The following RPS6KA2 variants were observed in gnomAD, a reference collection of about 807,000 sequenced individuals.
RPS6KA2 encodes ribosomal protein S6 kinase A2.
Under a neutral mutation model 91.8 loss-of-function variants are expected in RPS6KA2, and 42 were observed. The observed-to-expected ratio is 0.46, with a 90% confidence interval of 0.36 to 0.59. The LOEUF is 0.59. RPS6KA2 is among the 20% of genes least tolerant of loss of function. The probability of loss-of-function intolerance (pLI) is 0.00; values close to 1 mark genes in which losing one functional copy is unlikely to be tolerated. For synonymous variants in RPS6KA2, 414 were observed against 393.6 expected (o/e 1.05, Z -0.61); for missense variants, 798 against 978.5 (o/e 0.82, Z 2.46).
At chr6:166,594,014 G>A (rs1433035452) in intron 1 of RPS6KA2, among the ~76,000 whole-genome samples, 2 of 152,060 alleles carry the variant, frequency 1.3e-5, no homozygotes, top group African/African-American at 4.8e-5. Context: ...AAAAGTGCAC[G>A]GACAATTCTG....
intron 2 of RPS6KA2, among the ~76,000 whole-genome samples, chr6:166,694,462 G>A (rs920479918): frequency 2.6e-5 from 4 of 152,184 alleles, no homozygotes; most frequent in Middle Eastern, 3.2e-3. Context: ...ACTAAATTGT[G>A]GAGAGATTTC....
At chr6:166,509,287 A>C (rs559190134) in intron 4 of RPS6KA2, 1 of 169,824 alleles carries the variant, frequency 5.9e-6, no homozygotes, top group South Asian at 2.0e-4. Flanking sequence ...TAGGACACCC[A>C]GTTCTCAATT....
chr6:166,835,327 G>A (rs1200234125), intron 2 of RPS6KA2, among the ~76,000 whole-genome samples: 1 of 152,176 alleles, frequency 6.6e-6, no homozygotes, highest in Non-Finnish European at 1.5e-5. Context: ...CAAATTCTGT[G>A]GAGATTTTGA....
chr6:166,550,835 T>C (rs1250196850), intron 1 of RPS6KA2, among the ~76,000 whole-genome samples: 3 of 151,742 alleles, frequency 2.0e-5, no homozygotes, highest in Non-Finnish European at 4.4e-5. Flanking sequence ...ACCCCGTCTC[T>C]ACTAAAATAC....
Position 166,462,577 on chromosome 6 carries a change from G to A in RPS6KA2, c.973-3026C>T, listed in dbSNP as rs551335630. 1.1e-4 allele frequency among the ~76,000 whole-genome samples: 16 copies of A among 152,316 alleles called. No individual in the cohort carries two copies. The South Asian group carries it at 1.2e-3, about 12-fold the overall frequency. On this transcript the variant is annotated intron_variant, in intron 11 of 20. Transcript: ENST00000265678. ...CCCTCCAGCCCAGGACACTGCGCCT[G>A]GGGGCTGGGCTCAGACTTCCCCTGT...
intron 14 of RPS6KA2, among the ~76,000 whole-genome samples, chr6:166,446,672 A>G (rs921859198): frequency 2.0e-5 from 3 of 152,340 alleles, no homozygotes; most frequent in African/African-American, 4.8e-5. Flanking sequence ...TATTAGGAGA[A>G]AACACACCAT....
chr6:166,813,234 G>A (rs1427851593), intron 2 of RPS6KA2, among the ~76,000 whole-genome samples: 2 of 152,138 alleles, frequency 1.3e-5, no homozygotes, highest in Non-Finnish European at 2.9e-5. Flanking sequence ...CAGGTGTGGA[G>A]CAGAAGGTCC....
intron 10 of RPS6KA2, among the ~76,000 whole-genome samples, chr6:166,475,423 G>C (rs934700933): frequency 6.6e-6 from 1 of 152,186 alleles, no homozygotes; most frequent in African/African-American, 2.4e-5. Context: ...CGTGCCCCCA[G>C]GTGTGCCATT....
In RPS6KA2 at chr6:166,500,899, T is replaced by C. The variant is rs974278371; in HGVS notation, c.592A>G (p.Ile198Val). 6.2e-7 allele frequency: 1 copy of C among 1,614,032 alleles called. No individual in the cohort carries two copies. The highest frequency in any genetic ancestry group is 8.5e-7 in the Non-Finnish European group (1 of 1,179,944). The change falls in exon 7 of 21, where the codon ATT becomes GTT. Residue 198 changes from isoleucine (I) to valine (V), a missense_variant. Coordinates refer to ENST00000265678, the MANE Select transcript of RPS6KA2 (RefSeq NM_021135.6). This position sits in a 1 kb window ranked among gnomAD's most constrained non-coding sequence, Gnocchi z 4.3. ...GTCTTTTACAAACCTGTGATCTTAA[T>C]GTGCCCCTCTTCATCCAGGAGGATG... ...ENILLDEEGH[I>V]KITDFGLSKE... is the part of the protein sequence containing the mutation.
At chr6:166,519,160 C>T (rs1475926611) in intron 3 of RPS6KA2, among the ~76,000 whole-genome samples, 1 of 152,212 alleles carries the variant, frequency 6.6e-6, no homozygotes, top group East Asian at 1.9e-4. Context: ...TTTCTAAGAT[C>T]TAGATGTATA....
rs1483447335 is a variant in RPS6KA2 at position 166,665,938 on chromosome 6, G to A, written c.124-127154C>T. ...GAAATCCAGTTTCTGAGAGGCTCAG[G>A]AGCCTTCTTTGACATCATGATGATG... On this transcript the variant is annotated intron_variant, in intron 2 of 21. Coordinates refer to the RPS6KA2 transcript ENST00000503859. The surrounding 1 kb of genome is among the most constrained non-coding windows in gnomAD (Gnocchi z 4.5). Among the ~76,000 whole-genome samples the A allele has an allele frequency of 6.6e-6, 1 of 152,194 alleles. No homozygotes were observed. Among genetic ancestry groups the A allele is most frequent in the Non-Finnish European group, 1.5e-5 (1 of 68,042 alleles).
intron 2 of RPS6KA2, among the ~76,000 whole-genome samples, chr6:166,728,928 GTTTAC>G (rs554699366): frequency 2.5e-4 from 38 of 152,240 alleles, no homozygotes; most frequent in African/African-American, 8.2e-4. Context: ...CCCTCCTTTG[GTTTAC>G]TTTACTTCAG....
intron 2 of RPS6KA2, among the ~76,000 whole-genome samples, chr6:166,710,897 C>G (rs1358482047): frequency 1.3e-5 from 2 of 152,168 alleles, no homozygotes; most frequent in East Asian, 3.8e-4. Flanking sequence ...CCAACAAAAG[C>G]CTCTAGCCAC....
chr6:166,430,430 G>C (rs1406308955), intron 16 of RPS6KA2, 23 bp downstream of exon 16: 10 of 1,594,196 alleles, frequency 6.3e-6, no homozygotes, highest in South Asian at 3.4e-5. Context: ...CTCCCCGAAG[G>C]CTGCCCCAGG....
chr6:166,684,129 G>A (rs1166081225), intron 2 of RPS6KA2, among the ~76,000 whole-genome samples: 1 of 152,164 alleles, frequency 6.6e-6, no homozygotes, highest in African/African-American at 2.4e-5. Flanking sequence ...GTAGGAGACG[G>A]GACTTGACTC....
chr6:166,669,463 C>G (rs1788413198), intron 2 of RPS6KA2, among the ~76,000 whole-genome samples: 1 of 152,224 alleles, frequency 6.6e-6, no homozygotes, highest in Admixed American at 6.5e-5. Context: ...CTGCCTCACC[C>G]TCGCCTCTGT....
chr6:166,597,915 G>C (rs575765254), intron 1 of RPS6KA2, among the ~76,000 whole-genome samples: 10 of 152,314 alleles, frequency 6.6e-5, no homozygotes, highest in African/African-American at 1.9e-4. Flanking sequence ...TCATCACCCA[G>C]TTCCTGTCAG....
rs1199438307 is a variant in RPS6KA2 at position 166,423,265 on chromosome 6, C to T, written c.1734G>A (p.Val578=). The part of the protein sequence containing the change: ...LMTPCYTANF[V]APEVLKRQGY... Reference sequence around the variant, plus strand: ...GTCGGGGAATGCTCACCTCCGGGGCCACGAAATTGGCCGTGTAGCAGGGTG... The same window carrying T: ...GTCGGGGAATGCTCACCTCCGGGGCTACGAAATTGGCCGTGTAGCAGGGTG... The change falls in exon 17 of 21, where the codon GTG becomes GTA. Residue 578 remains valine (V), a synonymous_variant. Transcript: ENST00000265678. This position sits in a 1 kb window ranked among gnomAD's most constrained non-coding sequence, Gnocchi z 4.8. The T allele has an allele frequency of 6.2e-7, 1 of 1,611,234 alleles. No homozygotes were observed. The highest frequency in any genetic ancestry group is 1.3e-5 in the African/African-American group (1 of 74,896).
chr6:166,855,468 G>GGAA (rs1562473271), intron 2 of RPS6KA2, among the ~76,000 whole-genome samples: 5 of 120,096 alleles, frequency 4.2e-5, no homozygotes, highest in East Asian at 4.1e-4. Context: ...AAGAGGAAGA[G>GGAA]GAAGAGGAAG....
Sources: gnomAD v4.1 joint callset for allele counts (sites outside exome capture counted in the v4.1 genomes callset) on GRCh38, gnomAD v4.1.1 for gene constraint, Gnocchi (gnomAD v3.1) non-coding constraint, MANE v1.5 for transcripts, NCBI Gene and HGNC (gene_info 2026-07-23, HGNC 2026-07-21) for gene names.